CDK8: variants seen among roughly 807,000 people sequenced by gnomAD.
CDK8 encodes cyclin dependent kinase 8, also known as cyclin-dependent kinase 8.
In CDK8, 29 loss-of-function variants were observed where a neutral mutation model predicts 71.5. That is an observed-to-expected ratio of 0.41 (90% CI 0.30 to 0.55). The LOEUF is 0.55. Among genes scored for constraint, CDK8 ranks in the 20% least tolerant of loss-of-function variants. CDK8 has a pLI of 0.37. For synonymous variants in CDK8, 161 were observed against 192.1 expected (o/e 0.84, Z 1.34); for missense variants, 288 against 572.6 (o/e 0.50, Z 5.07).
intron 1 of CDK8, among the ~76,000 whole-genome samples, chr13:26,258,924 A>G (rs1871649102): frequency 6.6e-6 from 1 of 152,100 alleles, no homozygotes. Flanking sequence ...CTACCTTGCC[A>G]TTCCTCTGTA....
chr13:26,261,789 G>A (rs1871782402), intron 1 of CDK8, among the ~76,000 whole-genome samples: 1 of 152,202 alleles, frequency 6.6e-6, no homozygotes, highest in African/African-American at 2.4e-5. Flanking sequence ...TTGTTAGGTG[G>A]ATGTATGTTT....
At chr13:26,376,590 T>C (rs2138036803) in intron 4 of CDK8, among the ~76,000 whole-genome samples, 1 of 152,196 alleles carries the variant, frequency 6.6e-6, no homozygotes, top group East Asian at 1.9e-4. Flanking sequence ...GTACTGTACA[T>C]CCATGTTGCA....
intron 4 of CDK8, among the ~76,000 whole-genome samples, chr13:26,366,390 GA>G (rs1409590562): frequency 6.6e-6 from 1 of 151,886 alleles, no homozygotes; most frequent in East Asian, 1.9e-4. Context: ...TTTTTTTTAA[GA>G]TTTAATACAA....
chr13:26,286,609 A>G (rs1159193607), intron 1 of CDK8, among the ~76,000 whole-genome samples: 1 of 152,262 alleles, frequency 6.6e-6, no homozygotes, highest in Non-Finnish European at 1.5e-5. Context: ...TCAGATAAGG[A>G]CTTCATGACC....
At chr13:26,328,133 T>C (rs1460946337) in intron 1 of CDK8, among the ~76,000 whole-genome samples, 1 of 152,166 alleles carries the variant, frequency 6.6e-6, no homozygotes, top group Non-Finnish European at 1.5e-5. Context: ...TTTTATGTCA[T>C]AGTCCAGCAT....
intron 1 of CDK8, among the ~76,000 whole-genome samples, chr13:26,296,490 A>G (rs975724013): frequency 7.2e-5 from 11 of 152,212 alleles, no homozygotes; most frequent in African/African-American, 2.7e-4. Context: ...TGGTTGGGGA[A>G]TCAGATTCTC....
At chr13:26,371,760 C>T (rs536354663) in intron 4 of CDK8, among the ~76,000 whole-genome samples, 3 of 152,166 alleles carry the variant, frequency 2.0e-5, no homozygotes, top group African/African-American at 4.8e-5. Flanking sequence ...GGATTACAGG[C>T]GTGCACCACC....
At chr13:26,330,452 G>A (rs563493367) in intron 1 of CDK8, among the ~76,000 whole-genome samples, 4 of 152,202 alleles carry the variant, frequency 2.6e-5, no homozygotes, top group East Asian at 1.9e-4. Context: ...TGATCTGCCC[G>A]CCTTTCCCTC....
chr13:26,297,233 T>C (rs793117), intron 1 of CDK8, among the ~76,000 whole-genome samples: 144,120 of 152,292 alleles, frequency 0.95, 68,241 homozygotes, highest in East Asian at 1. Flanking sequence ...TTGGTCAAAT[T>C]ATGAATAAAT....
intron 3 of CDK8, among the ~76,000 whole-genome samples, chr13:26,350,056 G>A (rs1283995458): frequency 6.6e-6 from 1 of 152,134 alleles, no homozygotes; most frequent in East Asian, 1.9e-4. Flanking sequence ...AGGAGCAGGA[G>A]GCTATAACAT....
intron 1 of CDK8, among the ~76,000 whole-genome samples, chr13:26,284,229 A>C (rs1159264453): frequency 6.6e-6 from 1 of 152,250 alleles, no homozygotes; most frequent in Non-Finnish European, 1.5e-5. Context: ...CAAGGAACTA[A>C]AGAAACGAAG....
chr13:26,265,225 T>G (rs576569576), intron 1 of CDK8, among the ~76,000 whole-genome samples: 1 of 152,304 alleles, frequency 6.6e-6, no homozygotes, highest in East Asian at 1.9e-4. Context: ...GTGCCAGATG[T>G]AGGTGATTCA....
At chr13:26,301,386 T>A (rs1873818713) in intron 1 of CDK8, among the ~76,000 whole-genome samples, 1 of 152,188 alleles carries the variant, frequency 6.6e-6, no homozygotes, top group Non-Finnish European at 1.5e-5. Context: ...AGGCAAAATT[T>A]AATGTGGTAA....
intron 1 of CDK8, among the ~76,000 whole-genome samples, chr13:26,312,569 G>A (rs1475385704): frequency 2.6e-5 from 4 of 151,818 alleles, no homozygotes; most frequent in South Asian, 2.1e-4. Context: ...CGAACCCTCC[G>A]GAAGGAAGAA....
At chr13:26,296,390 T>C (rs1873563486) in intron 1 of CDK8, among the ~76,000 whole-genome samples, 1 of 152,208 alleles carries the variant, frequency 6.6e-6, no homozygotes, top group Non-Finnish European at 1.5e-5. Flanking sequence ...AGCTTTAGCA[T>C]GTAGAAATCT....
At chr13:26,328,176 TA>T (rs1875111822) in intron 1 of CDK8, among the ~76,000 whole-genome samples, 1 of 152,200 alleles carries the variant, frequency 6.6e-6, no homozygotes, top group Non-Finnish European at 1.5e-5. Context: ...ATAATCATCA[TA>T]CCTCAGCATG....
chr13:26,305,133 A>G (rs1267930437), intron 1 of CDK8, among the ~76,000 whole-genome samples: 1 of 152,056 alleles, frequency 6.6e-6, no homozygotes, highest in Non-Finnish European at 1.5e-5. Flanking sequence ...AACACCCTTT[A>G]GTGTTTTGTT....
chr13:26,325,520 C>T (rs575543364), intron 1 of CDK8, among the ~76,000 whole-genome samples: 12 of 152,126 alleles, frequency 7.9e-5, no homozygotes, highest in African/African-American at 2.4e-4. Flanking sequence ...CGAGAGCTCA[C>T]GCCAGATGAA....
intron 9 of CDK8, among the ~76,000 whole-genome samples, chr13:26,397,533 A>G (rs1271414349): frequency 6.6e-6 from 1 of 152,174 alleles, no homozygotes; most frequent in Non-Finnish European, 1.5e-5. Flanking sequence ...AGATTTTAAA[A>G]GTTCCAGAGA....
Sources: gnomAD v4.1 joint callset for allele counts (sites outside exome capture counted in the v4.1 genomes callset) on GRCh38, gnomAD v4.1.1 for gene constraint, MANE v1.5 for transcripts, NCBI Gene and HGNC (gene_info 2026-07-23, HGNC 2026-07-21) for gene names.